CFAP47: variants seen among roughly 807,000 people sequenced by gnomAD.
CFAP47 encodes cilia and flagella associated protein 47.
CFAP47 carries 29 observed loss-of-function variants against 148.1 expected under a neutral mutation model. That is an observed-to-expected ratio of 0.20 (90% CI 0.15 to 0.27). The LOEUF is 0.27. Ranked by LOEUF, CFAP47 falls within the 10% of genes least tolerant of loss-of-function variation. The probability of loss-of-function intolerance (pLI) is 1.00; values close to 1 mark genes in which losing one functional copy is unlikely to be tolerated. For missense variants in CFAP47, 1,872 were observed against 1,697.5 expected (o/e 1.10, Z -1.81); for synonymous variants, 664 against 577.3 (o/e 1.15, Z -2.15).
At chrX:36,176,229 C>A (rs747918571) in intron 39 of CFAP47, among the ~76,000 whole-genome samples, 248 of 111,445 alleles carry the variant, frequency 2.2e-3, no homozygotes, top group African/African-American at 7.5e-3. Flanking sequence ...GAACCCCGTA[C>A]CTCAGATGGA....
chrX:36,230,101 T>G (rs1196272552), intron 46 of CFAP47, among the ~76,000 whole-genome samples: 1 of 105,832 alleles, frequency 9.4e-6, no homozygotes. Context: ...AGCAGCATGA[T>G]TTATAGTCCT....
At position 36,238,448 on chromosome X, in the gene CFAP47, C is replaced by T. The variant is rs781992063; in HGVS notation, c.7332+1589C>T. On this transcript the variant is annotated intron_variant, in intron 48 of 63. Coordinates refer to ENST00000378653, the MANE Select transcript of CFAP47 (RefSeq NM_001304548.2). ...TCAGCAGCATGAAAATAGACTAATA[C>T]ATTTTATCTATTATCCTCATATCAC... Among the ~76,000 whole-genome samples the T allele has an allele frequency of 4.5e-5, 5 of 111,546 alleles. No individual in the cohort carries two copies. The Admixed American group carries it at 4.7e-4, about 11-fold the overall frequency.
chrX:36,311,485 CAAAT>C (rs1201526525), intron 56 of CFAP47, among the ~76,000 whole-genome samples: 2 of 110,809 alleles, frequency 1.8e-5, no homozygotes, highest in African/African-American at 3.3e-5. Context: ...TTATATTAAA[CAAAT>C]AAATAATGTG....
At chrX:36,330,472 C>T (rs1166823708) in intron 57 of CFAP47, among the ~76,000 whole-genome samples, 3 of 111,834 alleles carry the variant, frequency 2.7e-5, no homozygotes, top group Non-Finnish European at 3.8e-5. Context: ...AAGTTCTCAA[C>T]TTGTATATTA....
intron 15 of CFAP47, among the ~76,000 whole-genome samples, chrX:35,982,748 G>T (rs1207033268): frequency 9.0e-6 from 1 of 111,118 alleles, no homozygotes. Context: ...TGTCAATTTT[G>T]TCAAAGATCA....
chrX:36,181,603 T>G (rs1029064224), intron 40 of CFAP47, among the ~76,000 whole-genome samples: 1 of 111,632 alleles, frequency 9.0e-6, no homozygotes, highest in East Asian at 2.8e-4. Flanking sequence ...AGCCTTTCTG[T>G]GATGAAAAAC....
At chrX:36,008,755 G>A (rs766400557) in intron 21 of CFAP47, among the ~76,000 whole-genome samples, 1 of 110,752 alleles carries the variant, frequency 9.0e-6, no homozygotes, top group East Asian at 2.8e-4. Flanking sequence ...GAGTGACAGA[G>A]TGAGACTCTG....
At position 36,197,227 on chromosome X, in the gene CFAP47, C is replaced by T. The variant is rs182826812; in HGVS notation, c.6322-3152C>T. ...GGAGTCCTAGTTAATAATATTTTAA[C>T]TGATGAATCAATGGCTGAGAAGATG... On this transcript the variant is annotated intron_variant, in intron 42 of 63. Coordinates refer to ENST00000378653, the MANE Select transcript of CFAP47 (RefSeq NM_001304548.2). Among the ~76,000 whole-genome samples, 598 of 111,783 alleles carry T rather than the reference C, an allele frequency of 5.3e-3. 1 individual carries two copies. Among genetic ancestry groups the T allele is most frequent in the African/African-American group, 0.018 (568 of 30,922 alleles).
At chrX:35,967,287 C>G (rs1936420968) in intron 9 of CFAP47, among the ~76,000 whole-genome samples, 1 of 110,898 alleles carries the variant, frequency 9.0e-6, no homozygotes. Flanking sequence ...TTATCTAATT[C>G]CTCATTATCT....
In CFAP47 at chrX:36,371,915, T is replaced by C. The variant is rs1279576979; in HGVS notation, c.9185+4788T>C. Among the ~76,000 whole-genome samples the C allele has an allele frequency of 2.5e-4, 18 of 72,889 alleles. 2 individuals carry two copies. Among genetic ancestry groups the C allele is most frequent in the African/African-American group, 9.2e-4 (10 of 10,841 alleles). The allele number at this position is 72,889 out of a possible 115,157, so 63.3% of individuals were successfully genotyped here. ...ATACACACATGTGTATATATGTGTG[T>C]ATATATGTGTATATACACACATGTG... On this transcript the variant is annotated intron_variant, in intron 62 of 63. Transcript: ENST00000378653.
chrX:35,940,464 T>C (rs1027384583), intron 2 of CFAP47, among the ~76,000 whole-genome samples: 4 of 111,581 alleles, frequency 3.6e-5, no homozygotes, highest in African/African-American at 9.8e-5. Context: ...GATAGGCACT[T>C]CCTCTGATAG....
At chrX:35,922,847 G>A (rs1601874155) in intron 1 of CFAP47, among the ~76,000 whole-genome samples, 1 of 112,002 alleles carries the variant, frequency 8.9e-6, no homozygotes, top group Non-Finnish European at 1.9e-5. Context: ...GCCCAGGGAG[G>A]CTGGCTTATT....
At chrX:36,342,808 A>T (rs929710137) in intron 57 of CFAP47, among the ~76,000 whole-genome samples, 1 of 111,516 alleles carries the variant, frequency 9.0e-6, no homozygotes, top group Non-Finnish European at 1.9e-5. Context: ...TTCTTTTTTT[A>T]AATTTAAGTT....
At chrX:36,345,999 T>C (rs1360053740) in intron 57 of CFAP47, among the ~76,000 whole-genome samples, 1 of 111,581 alleles carries the variant, frequency 9.0e-6, no homozygotes, top group Non-Finnish European at 1.9e-5. Flanking sequence ...TGAGAAAAAA[T>C]GACTTTGATT....
chrX:36,235,711 C>T (rs782682586), intron 46 of CFAP47, among the ~76,000 whole-genome samples: 8 of 112,521 alleles, frequency 7.1e-5, no homozygotes, highest in Admixed American at 2.8e-4. Flanking sequence ...TCTTCTGCAT[C>T]GCTCACGCTA....
chrX:35,927,023 C>T (rs1308753904), intron 2 of CFAP47, among the ~76,000 whole-genome samples: 1 of 108,630 alleles, frequency 9.2e-6, no homozygotes. Flanking sequence ...GGAGTGGTGG[C>T]GCATGACTGT....
intron 8 of CFAP47, among the ~76,000 whole-genome samples, chrX:35,959,530 C>T (rs891840634): frequency 1.8e-5 from 2 of 111,694 alleles, no homozygotes; most frequent in African/African-American, 6.5e-5. Flanking sequence ...ATTTGTTGGT[C>T]GGGCGCGGTG....
intron 25 of CFAP47, among the ~76,000 whole-genome samples, chrX:36,042,742 A>G (rs1351698109): frequency 1.8e-5 from 2 of 111,977 alleles, no homozygotes; most frequent in African/African-American, 6.5e-5. Context: ...AAAGTTTTCC[A>G]CAAATAAATT....
intron 24 of CFAP47, among the ~76,000 whole-genome samples, chrX:36,036,426 A>G (rs767503479): frequency 1.8e-5 from 2 of 110,610 alleles, no homozygotes; most frequent in South Asian, 7.6e-4. Flanking sequence ...TATTGTGTAC[A>G]TACATCACAA....
Sources: allele counts gnomAD v4.1 joint callset (sites outside exome capture counted in the v4.1 genomes callset), GRCh38; gene constraint gnomAD v4.1.1; transcripts MANE v1.5; gene names NCBI Gene and HGNC (gene_info 2026-07-23, HGNC 2026-07-21).